Variants in RAB30 observed in about 807,000 individuals in gnomAD.
The protein encoded by RAB30 is RAB30, member RAS oncogene family, also known as ras-related protein Rab-30.
Under a neutral mutation model 25.1 loss-of-function variants are expected in RAB30, and 9 were observed. The ratio of observed to expected loss-of-function variants is 0.36; its 90% CI spans 0.22 to 0.63. RAB30 has a LOEUF of 0.63. RAB30 is among the 20% of genes least tolerant of loss of function. The pLI, the probability that RAB30 is intolerant of heterozygous loss-of-function variation, is 0.69. For synonymous variants in RAB30, 77 were observed against 86.4 expected, an observed-to-expected ratio of 0.89 and a Z score of 0.60; for missense variants, 140 against 243.5, an observed-to-expected ratio of 0.58 and a Z score of 2.83.
chr11:83,043,783 G>C (rs1858180009), intron 1 of RAB30, among the ~76,000 whole-genome samples: 1 of 151,692 alleles, frequency 6.6e-6, no homozygotes, highest in Non-Finnish European at 1.5e-5. Context: ...AAATTAGATA[G>C]AAAAAAAACC....
intron 1 of RAB30, among the ~76,000 whole-genome samples, chr11:83,057,201 GTTT>G (rs535383170): frequency 7.2e-6 from 1 of 138,364 alleles, no homozygotes; most frequent in Admixed American, 7.2e-5. Context: ...TCACTTGAGG[GTTT>G]TTTTTTTTTT....
Position 82,994,111 on chromosome 11 carries a change from G to A in RAB30, c.105C>T (p.Pro35=). Reference sequence around the variant, plus strand: ...CTCCAATTGTGGCTCCTTGACCTGGGGGGAAAAGACCCTGAAGAAGAAATA... The same window carrying A: ...CTCCAATTGTGGCTCCTTGACCTGGAGGGAAAAGACCCTGAAGAAGAAATA... ...LVRRFTQGLF[P]PGQGATIGVD... is the part of the protein sequence containing the mutation. Residue 35 remains proline (P), a synonymous_variant, in exon 3 of 5, where the codon CCC becomes CCT. Transcript: ENST00000527633. 1 of 1,607,018 alleles carries A rather than the reference G, an allele frequency of 6.2e-7. No individual in the cohort carries two copies. The highest frequency in any genetic ancestry group is 8.5e-7 in the Non-Finnish European group (1 of 1,173,868).
At chr11:83,022,961 A>G (rs1389041007) in intron 1 of RAB30, among the ~76,000 whole-genome samples, 1 of 126,602 alleles carries the variant, frequency 7.9e-6, no homozygotes, top group Admixed American at 8.4e-5. Flanking sequence ...GTATATATGC[A>G]TATGTATGTA....
intron 1 of RAB30, among the ~76,000 whole-genome samples, chr11:83,061,801 C>G (rs1057001247): frequency 7.3e-6 from 1 of 136,890 alleles, no homozygotes; most frequent in Non-Finnish European, 1.5e-5. Flanking sequence ...TCTTCCTGTT[C>G]CTGAGTAGCT....
intron 1 of RAB30, among the ~76,000 whole-genome samples, chr11:83,053,964 C>T (rs1413351869): frequency 6.6e-6 from 1 of 152,156 alleles, no homozygotes. Flanking sequence ...ATAGCATATG[C>T]CTGTAATCCC....
Position 82,989,542 on chromosome 11 carries a change from G to A in RAB30, c.178-1772C>T, listed in dbSNP as rs553296854. Among the ~76,000 whole-genome samples, 26 of 152,318 alleles carry A rather than the reference G, an allele frequency of 1.7e-4. No individual in the cohort carries two copies. The East Asian group carries it at 4.2e-3, about 25-fold the overall frequency. On this transcript the variant is annotated intron_variant, in intron 3 of 4. Transcript: ENST00000527633. ...TTCTCTGCCTCAAACCTAGGGACAC[G>A]GTTCCCCTCTGCCAGGATGTGTCTT...
rs901031684 is a variant in RAB30, at chr11:82,980,498, A to G, written c.*1667T>C. On this transcript the variant is annotated 3_prime_UTR_variant, in exon 5 of 5. Coordinates refer to ENST00000527633, the MANE Select transcript of RAB30 (RefSeq NM_001286060.2). ...AATTAAATAGCTTTCAAACATCAAC[A>G]TATCAGAACTGAGATTGTCACCATC... 2 of 152,224 alleles carry G rather than the reference A, an allele frequency of 1.3e-5. No individual in the cohort carries two copies. The highest frequency in any genetic ancestry group is 2.9e-5 in the Non-Finnish European group (2 of 68,046). 9.4% of individuals were successfully genotyped at this position (152,224 alleles called of 1,614,324 possible). A position where few individuals can be genotyped will look rare whatever the true frequency, so the allele number is the denominator to read the frequency against.
chr11:83,052,448 G>A (rs944131127), intron 1 of RAB30, among the ~76,000 whole-genome samples: 2 of 152,206 alleles, frequency 1.3e-5, no homozygotes, highest in African/African-American at 4.8e-5. Context: ...CTGGCTAGAG[G>A]AGACTTTTCC....
At chr11:83,030,582 G>C (rs1274781095) in intron 1 of RAB30, among the ~76,000 whole-genome samples, 1 of 152,100 alleles carries the variant, frequency 6.6e-6, no homozygotes, top group Non-Finnish European at 1.5e-5. Context: ...CAGAACACCT[G>C]AGGCTAGGAG....
intron 1 of RAB30, among the ~76,000 whole-genome samples, chr11:83,044,245 C>G (rs1253319482): frequency 6.6e-6 from 1 of 152,186 alleles, no homozygotes; most frequent in African/African-American, 2.4e-5. Flanking sequence ...CCTAAAGAAT[C>G]TTACCAATAT....
intron 1 of RAB30, among the ~76,000 whole-genome samples, chr11:83,033,325 C>A (rs1857917941): frequency 6.6e-6 from 1 of 152,066 alleles, no homozygotes; most frequent in Non-Finnish European, 1.5e-5. Flanking sequence ...CTTGGCTTCC[C>A]AAAGTGCTGG....
intron 2 of RAB30, among the ~76,000 whole-genome samples, chr11:82,996,660 T>G (rs985949103): frequency 1.3e-5 from 2 of 152,192 alleles, no homozygotes; most frequent in Non-Finnish European, 2.9e-5. Context: ...AGAATTGAAT[T>G]CAACCCAGAG....
intron 4 of RAB30, among the ~76,000 whole-genome samples, chr11:82,985,132 T>A (rs971834559): frequency 6.6e-6 from 1 of 152,094 alleles, no homozygotes; most frequent in African/African-American, 2.4e-5. Flanking sequence ...TTGGCTAATT[T>A]TTTGTATATT....
chr11:82,983,103 C>G (rs888647170), intron 4 of RAB30, among the ~76,000 whole-genome samples: 2 of 151,710 alleles, frequency 1.3e-5, no homozygotes, highest in Non-Finnish European at 1.5e-5. Context: ...CAATACGCAA[C>G]TGTCTATCCA....
intron 1 of RAB30, among the ~76,000 whole-genome samples, chr11:83,046,381 C>A (rs1160768698): frequency 2.0e-5 from 3 of 152,166 alleles, no homozygotes; most frequent in Non-Finnish European, 2.9e-5. Context: ...CACCCTTTGG[C>A]CTTCAGTTTC....
chr11:82,988,652 C>A (rs866277440), intron 3 of RAB30, among the ~76,000 whole-genome samples: 68 of 152,268 alleles, frequency 4.5e-4, no homozygotes, highest in Middle Eastern at 3.4e-3. Context: ...AAGAAGAAGA[C>A]AATACTTGTC....
At chr11:83,041,290 TG>T in intron 1 of RAB30, 1 of 182,618 alleles carries the variant, frequency 5.5e-6, no homozygotes, top group Non-Finnish European at 1.2e-5. Flanking sequence ...CTTGGCCCTG[TG>T]GAGGGCCTCA....
At chr11:82,994,876 T>C (rs554975454) in intron 2 of RAB30, among the ~76,000 whole-genome samples, 1 of 152,194 alleles carries the variant, frequency 6.6e-6, no homozygotes, top group African/African-American at 2.4e-5. Context: ...AGGATCTCTG[T>C]GTAACCTCAA....
chr11:82,994,192 C>T (rs763492156), intron 2 of RAB30, 70 bp from the exon 3 acceptor site: 2 of 1,278,290 alleles, frequency 1.6e-6, no homozygotes, highest in Non-Finnish European at 2.3e-6. Flanking sequence ...CTCCTCTCCC[C>T]CAGCAACACC....
Sources: gnomAD v4.1 joint callset for allele counts (sites outside exome capture counted in the v4.1 genomes callset) on GRCh38, gnomAD v4.1.1 for gene constraint, MANE v1.5 for transcripts, NCBI Gene and HGNC (gene_info 2026-07-23, HGNC 2026-07-21) for gene names.